Variants in ADK observed in about 807,000 individuals in gnomAD.
ADK encodes the protein N6,N6-dimethyladenosine kinase.
In ADK, 24 loss-of-function variants were observed where a neutral mutation model predicts 44.7. That is an observed-to-expected ratio of 0.54 (90% CI 0.39 to 0.76). The LOEUF (loss-of-function observed/expected upper bound fraction) is 0.76, where lower values mean the gene tolerates loss of function less well. Ranked by LOEUF, ADK falls within the 30% of genes least tolerant of loss-of-function variation. The probability of loss-of-function intolerance (pLI) is 0.00; values close to 1 mark genes in which losing one functional copy is unlikely to be tolerated. For missense variants in ADK, 321 were observed against 425.1 expected, an observed-to-expected ratio of 0.76 and a Z score of 2.15; for synonymous variants, 128 against 142.6, an observed-to-expected ratio of 0.90 and a Z score of 0.73.
intron 3 of ADK, among the ~76,000 whole-genome samples, chr10:74,265,833 T>C (rs1011518126): frequency 2.6e-5 from 4 of 152,122 alleles, no homozygotes; most frequent in East Asian, 1.9e-4. Flanking sequence ...ATCAGGCAAA[T>C]TGGTTTTAGA....
At chr10:74,629,364 C>T (rs1047779211) in intron 9 of ADK, among the ~76,000 whole-genome samples, 1 of 152,084 alleles carries the variant, frequency 6.6e-6, no homozygotes, top group Admixed American at 6.6e-5. Flanking sequence ...AGAACTGTTA[C>T]CCCAACTGTA....
chr10:74,457,756 C>G (rs1313532205), intron 6 of ADK, among the ~76,000 whole-genome samples: 1 of 152,138 alleles, frequency 6.6e-6, no homozygotes, highest in South Asian at 2.1e-4. Flanking sequence ...TCTCAGTAAA[C>G]TAACACAAGA....
chr10:74,282,360 G>T (rs1352336307), intron 3 of ADK, among the ~76,000 whole-genome samples: 1 of 152,142 alleles, frequency 6.6e-6, no homozygotes, highest in Non-Finnish European at 1.5e-5. Context: ...GCATTGTTGT[G>T]AATCAAAACC....
intron 9 of ADK, among the ~76,000 whole-genome samples, chr10:74,632,310 A>G (rs1192277912): frequency 2.0e-5 from 3 of 152,222 alleles, no homozygotes; most frequent in African/African-American, 7.2e-5. Context: ...ATTGCCATGT[A>G]ACATTCTATT....
chr10:74,180,464 T>A, intron 1 of ADK, among the ~76,000 whole-genome samples: 1 of 140,044 alleles, frequency 7.1e-6, no homozygotes, highest in Non-Finnish European at 1.6e-5. Context: ...GTCTTTTTTT[T>A]TTTTTTTTTT....
intron 7 of ADK, among the ~76,000 whole-genome samples, chr10:74,572,314 G>C (rs1409415165): frequency 1.3e-5 from 2 of 152,232 alleles, no homozygotes; most frequent in Non-Finnish European, 1.5e-5. Flanking sequence ...TTTTCTTTAA[G>C]AATGTTGAAT....
chr10:74,176,718 T>TAGCCAGGGGCCGCCC, intron 1 of ADK: 1 of 1,480,454 alleles, frequency 6.8e-7, no homozygotes. Context: ...CCGGGCCGGC[T>TAGCCAGGGGCCGCCC]AGCCAGGGGC....
chr10:74,462,726 C>T (rs1456618530), intron 6 of ADK, among the ~76,000 whole-genome samples: 6 of 152,140 alleles, frequency 3.9e-5, no homozygotes, highest in Admixed American at 1.3e-4. Context: ...AACTATCTAG[C>T]GTCCAATGTG....
chr10:74,389,937 G>T (rs1264777629), intron 4 of ADK, among the ~76,000 whole-genome samples: 1 of 152,048 alleles, frequency 6.6e-6, no homozygotes, highest in Non-Finnish European at 1.5e-5. Flanking sequence ...TGAACATGTA[G>T]ACTCTCTGAT....
At chr10:74,509,719 T>C (rs192207837) in intron 6 of ADK, among the ~76,000 whole-genome samples, 1 of 152,284 alleles carries the variant, frequency 6.6e-6, no homozygotes, top group Admixed American at 6.5e-5. Flanking sequence ...TTTAACAAAT[T>C]TTTCCCTATC....
Position 74,335,889 on chromosome 10 carries a change from CAG to C in ADK, c.273+21147_273+21148del, listed in dbSNP as rs1008032492. Among the ~76,000 whole-genome samples, 35 of 152,076 alleles carry C rather than the reference CAG, an allele frequency of 2.3e-4. 1 individual carries two copies. The highest frequency in any genetic ancestry group is 8.4e-4 in the African/African-American group (35 of 41,478). ...AAAAAAATTGTGTTTATTTTTGTTA[CAG>C]AGTTTTGAGAATTCTTTATCTGTTC... On this transcript the variant is annotated intron_variant, in intron 4 of 10. Coordinates refer to ENST00000539909, the MANE Select transcript of ADK (RefSeq NM_006721.4).
At chr10:74,693,147 G>A (rs1399218680) in intron 10 of ADK, among the ~76,000 whole-genome samples, 1 of 152,114 alleles carries the variant, frequency 6.6e-6, no homozygotes, top group Non-Finnish European at 1.5e-5. Context: ...GTAAACTATA[G>A]ATATTATTTA....
chr10:74,314,774 G>A, intron 4 of ADK, 29 bp downstream of exon 4: 2 of 1,423,160 alleles, frequency 1.4e-6, no homozygotes, highest in Non-Finnish European at 2.0e-6. Context: ...AAGTTAAAAG[G>A]ATTCAAAATG....
At chr10:74,429,528 G>C (rs1312173044) in intron 6 of ADK, among the ~76,000 whole-genome samples, 1 of 152,154 alleles carries the variant, frequency 6.6e-6, no homozygotes, top group East Asian at 1.9e-4. Flanking sequence ...TCTGTTGTGG[G>C]AGTAGGGAAG....
chr10:74,544,927 C>T (rs1464152867), intron 7 of ADK, among the ~76,000 whole-genome samples: 1 of 151,328 alleles, frequency 6.6e-6, no homozygotes, highest in Non-Finnish European at 1.5e-5. Context: ...GGAATCTTGC[C>T]ATGTCGCCAG....
At chr10:74,255,119 G>T (rs1446663838) in intron 3 of ADK, among the ~76,000 whole-genome samples, 3 of 152,142 alleles carry the variant, frequency 2.0e-5, no homozygotes, top group African/African-American at 7.2e-5. Context: ...TAGTAGGTTG[G>T]GGATATGCAG....
At chr10:74,481,384 T>C (rs1194353401) in intron 6 of ADK, among the ~76,000 whole-genome samples, 2 of 152,170 alleles carry the variant, frequency 1.3e-5, no homozygotes, top group Non-Finnish European at 2.9e-5. Context: ...TTTATTACCT[T>C]TGTTAGTTCC....
At chr10:74,475,319 C>G (rs995972094) in intron 6 of ADK, among the ~76,000 whole-genome samples, 1 of 152,016 alleles carries the variant, frequency 6.6e-6, no homozygotes, top group African/African-American at 2.4e-5. Context: ...TGTGACAGAC[C>G]TGTCATCTTT....
At chr10:74,555,236 A>G (rs73274193) in intron 7 of ADK, among the ~76,000 whole-genome samples, 6,573 of 152,300 alleles carry the variant, frequency 0.043, 434 homozygotes, top group African/African-American at 0.14. Flanking sequence ...CTCCCACTTG[A>G]GCAACAGAGC....
Sources: gnomAD v4.1 joint callset for allele counts (sites outside exome capture counted in the v4.1 genomes callset) on GRCh38, gnomAD v4.1.1 for gene constraint, MANE v1.5 for transcripts, NCBI Gene and HGNC (gene_info 2026-07-23, HGNC 2026-07-21) for gene names.